The following TUBGCP5 variants were observed in gnomAD, a reference collection of about 807,000 sequenced individuals.
The protein encoded by TUBGCP5 is gamma-tubulin complex component 5.
TUBGCP5 carries 98 observed loss-of-function variants against 134.7 expected under a neutral mutation model. That is an observed-to-expected ratio of 0.73 (90% CI 0.62 to 0.86). TUBGCP5 has a LOEUF of 0.86. Among genes scored for constraint, TUBGCP5 ranks in the 40% least tolerant of loss-of-function variants. The pLI is 0.00. For synonymous variants in TUBGCP5, 456 were observed against 431.4 expected, an observed-to-expected ratio of 1.06 and a Z score of -0.71; for missense variants, 1,150 against 1,244.8, an observed-to-expected ratio of 0.92 and a Z score of 1.15.
intron 21 of TUBGCP5, 126 bp from the exon 22 acceptor site, chr15:23,000,795 TATAAA>T: frequency 2.8e-6 from 2 of 706,910 alleles, no homozygotes; most frequent in Non-Finnish European, 4.4e-6. Context: ...ATCTAAAGAT[TATAAA>T]ATAAAACACA....
chr15:23,002,628 A>T (rs2064452649), intron 21 of TUBGCP5, among the ~76,000 whole-genome samples: 1 of 152,166 alleles, frequency 6.6e-6, no homozygotes, highest in African/African-American at 2.4e-5. Flanking sequence ...CCAGAATTTG[A>T]TTTAAAATAA....
chr15:23,006,054 C>A lies in TUBGCP5; in HGVS notation c.2531G>T (p.Gly844Val), dbSNP rs776031153. Residue 844 changes from glycine (G) to valine (V), a missense_variant and splice_region_variant, in exon 18 of 23, where the codon GGT becomes GTT. Transcript: ENST00000615383. Reference protein sequence around the residue: ...AKYSLDVLLFGELVSTAEKPR... With the variant: ...AKYSLDVLLFVELVSTAEKPR... ...TATCTGCTGAAAACAAATCTTACCA[C>A]CAAAAAGTAAAACATCCAGACTATA... 3 of 1,590,640 alleles carry A rather than the reference C, an allele frequency of 1.9e-6. No individual in the cohort carries two copies. The South Asian group carries it at 3.5e-5, about 19-fold the overall frequency.
At position 23,010,064 on chromosome 15, in the gene TUBGCP5, C is replaced by T. The variant is rs371508541; in HGVS notation, c.2025G>A (p.Ser675=). The T allele has an allele frequency of 9.3e-6, 15 of 1,613,964 alleles. No homozygotes were observed. Among genetic ancestry groups the T allele is most frequent in the South Asian group, 4.4e-5 (4 of 91,074 alleles). ...CAAAAGTCTGGCATGTCACAGATTC[C>T]GATGATCTATCCACACATACATCAC... is the stretch of plus-strand genomic sequence containing the variant. The part of the protein sequence containing the change: ...AGGDVCVDRS[S]ESVTCQTFEL... Residue 675 remains serine, a synonymous_variant, in exon 15 of 23, where the codon TCG becomes TCA. Transcript: ENST00000615383.
chr15:22,987,844 C>T (rs139345114), intron 23 of TUBGCP5, among the ~76,000 whole-genome samples: 10 of 136,552 alleles, frequency 7.3e-5, no homozygotes, highest in South Asian at 2.4e-4. Context: ...TGCAGTGAGC[C>T]GAGATTGCGC....
At position 23,039,547 on chromosome 15, in the gene TUBGCP5, C is replaced by T; in HGVS notation, c.-4G>A. ...ACGGTGGCCCGTGCCGCGCCATGTT[C>T]CGCGCTCCTGCAGCGCGCGTCTAAC... is the stretch of plus-strand genomic sequence containing the variant. On this transcript the variant is annotated 5_prime_UTR_variant, in exon 1 of 23. Transcript: ENST00000615383. 6.9e-7 allele frequency: 1 copy of T among 1,449,734 alleles called. No homozygotes were observed. The highest frequency in any genetic ancestry group is 9.2e-7 in the Non-Finnish European group (1 of 1,086,180). 89.8% of individuals were successfully genotyped at this position (1,449,734 alleles called of 1,614,324 possible).
intron 19 of TUBGCP5, among the ~76,000 whole-genome samples, 200 bp downstream of exon 19, chr15:23,005,232 C>A (rs189394926): frequency 6.6e-6 from 1 of 152,176 alleles, no homozygotes; most frequent in Non-Finnish European, 1.5e-5. Context: ...GGAGGGACAA[C>A]AGCCTCTGGA....
intron 23 of TUBGCP5, among the ~76,000 whole-genome samples, chr15:22,990,169 C>T (rs1033836084): frequency 5.3e-5 from 8 of 152,154 alleles, no homozygotes; most frequent in Non-Finnish European, 7.4e-5. Context: ...AGAGGTGGGG[C>T]AGGCACACTT....
At chr15:23,029,604 A>T (rs1039785001) in intron 6 of TUBGCP5, among the ~76,000 whole-genome samples, 3 of 152,178 alleles carry the variant, frequency 2.0e-5, no homozygotes, top group African/African-American at 7.2e-5. Flanking sequence ...CCAATTTTGA[A>T]AAAGAGCAGT....
intron 18 of TUBGCP5, 135 bp downstream of exon 18, chr15:23,005,917 C>G: frequency 1.0e-6 from 1 of 964,278 alleles, no homozygotes; most frequent in Non-Finnish European, 1.5e-6. Context: ...TTTGTGTACA[C>G]ATAAAAAATG....
At chr15:23,000,905 A>C (rs2064335058) in intron 21 of TUBGCP5, among the ~76,000 whole-genome samples, 1 of 152,202 alleles carries the variant, frequency 6.6e-6, no homozygotes, top group African/African-American at 2.4e-5. Flanking sequence ...GATAGTATCT[A>C]GTTCTGGAAC....
At position 23,039,506 on chromosome 15, in the gene TUBGCP5, G is replaced by A; in HGVS notation, c.38C>T (p.Ala13Val). The A allele has an allele frequency of 6.6e-7, 1 of 1,504,804 alleles. No homozygotes were observed. Among genetic ancestry groups the A allele is most frequent in the South Asian group, 1.3e-5 (1 of 79,398 alleles). 93.2% of individuals were successfully genotyped at this position (1,504,804 alleles called of 1,614,324 possible). A position where few individuals can be genotyped will look rare whatever the true frequency, so the allele number is the denominator to read the frequency against. ...CTCCCGCACGTCGCGCTCCTGCTGCGCGTCCAACCGACTCCACGGTGGCCC... is the reference window on the plus strand; with the variant it reads ...CTCCCGCACGTCGCGCTCCTGCTGCACGTCCAACCGACTCCACGGTGGCCC... The part of the protein sequence containing the change: ...RHGPPWSRLD[A>V]QQERDVRELV... The change falls in exon 1 of 23, where the codon GCG (alanine) becomes GTG (valine). Residue 13 changes from alanine to valine, a missense_variant. Physicochemically the swap from Ala to Val is moderately conservative, Grantham distance 64 (BLOSUM62 0). Coordinates refer to ENST00000615383, the MANE Select transcript of TUBGCP5 (RefSeq NM_052903.6).
chr15:23,005,641 G>T, intron 18 of TUBGCP5, 31 bp from the exon 19 acceptor site: 2 of 1,599,228 alleles, frequency 1.3e-6, no homozygotes, highest in South Asian at 2.2e-5. Flanking sequence ...AAAGTGGACA[G>T]AAAGAGCATC....
chr15:23,033,592 T>C (rs2066431365), intron 3 of TUBGCP5, among the ~76,000 whole-genome samples: 1 of 149,690 alleles, frequency 6.7e-6, no homozygotes, highest in East Asian at 2.5e-4. Context: ...TTCATAATTA[T>C]AAGAGTTTAT....
In TUBGCP5 at chr15:23,024,752, T is replaced by C. The variant is rs962172002; in HGVS notation, c.906A>G (p.Val302=). Residue 302 remains valine (V), a synonymous_variant, in exon 9 of 23, where the codon GTA becomes GTG. Transcript: ENST00000615383. ...GKVTVRNNII[V]THLTHSCLRS... ...AATAACTTACATGTGTTAAATGAGT[T>C]ACTATAATATTGTTTCTCACAGTTA... 6.5e-7 allele frequency: 1 copy of C among 1,547,770 alleles called. No individual in the cohort carries two copies. The highest frequency in any genetic ancestry group is 8.8e-7 in the Non-Finnish European group (1 of 1,130,028).
chr15:23,000,711 G>T, intron 21 of TUBGCP5, 42 bp from the exon 22 acceptor site: 2 of 1,441,572 alleles, frequency 1.4e-6, no homozygotes, highest in Admixed American at 2.0e-5. Flanking sequence ...GTGCATTGCG[G>T]GTATATAGGT....
rs756849007 is a variant in TUBGCP5, at chr15:23,011,184, T to C, written c.1904A>G (p.His635Arg). The part of the protein sequence containing the change: ...LMKMQSIAES[H>R]LELDDVHDPL... ...ATCATGAACATCATCCAGTTCAAGA[T>C]GGCTTTCAGCAATGGACTGCATCTT... is the stretch of plus-strand genomic sequence containing the variant. Residue 635 changes from histidine to arginine, a missense_variant, in exon 14 of 23, where the codon CAT becomes CGT. Physicochemically the swap from His to Arg is conservative, Grantham distance 29 (BLOSUM62 0). Transcript: ENST00000615383. The C allele has an allele frequency of 1.9e-6, 3 of 1,613,944 alleles. No homozygotes were observed. The highest frequency in any genetic ancestry group is 1.7e-5 in the Admixed American group (1 of 60,004).
At chr15:23,004,002 A>G in intron 20 of TUBGCP5, 100 bp downstream of exon 20, 1 of 1,426,264 alleles carries the variant, frequency 7.0e-7, no homozygotes, top group Non-Finnish European at 9.3e-7. Flanking sequence ...CTTAAAGAAT[A>G]TTCTACAGGA....
intron 11 of TUBGCP5, 38 bp from the exon 12 acceptor site, chr15:23,019,372 C>T (rs1298263027): frequency 7.2e-7 from 1 of 1,386,380 alleles, no homozygotes; most frequent in African/African-American, 1.4e-5. Flanking sequence ...TCTCAGGGTT[C>T]CCTGGTCACT....
At chr15:23,023,169 T>TAAAAA (rs2065799087) in intron 10 of TUBGCP5, 2 of 152,030 alleles carry the variant, frequency 1.3e-5, no homozygotes, top group African/African-American at 4.8e-5. Flanking sequence ...CTGTCTCTAT[T>TAAAAA]GAAAATACAA....
Sources: gnomAD v4.1 joint callset for allele counts (sites outside exome capture counted in the v4.1 genomes callset) on GRCh38, gnomAD v4.1.1 for gene constraint, MANE v1.5 for transcripts, NCBI Gene and HGNC (gene_info 2026-07-23, HGNC 2026-07-21) for gene names.